Variants in STAU2 observed in about 807,000 individuals in gnomAD.
STAU2 encodes double-stranded RNA-binding protein Staufen homolog 2.
Under a neutral mutation model 65.9 loss-of-function variants are expected in STAU2, and 20 were observed. The ratio of observed to expected loss-of-function variants is 0.30; its 90% CI spans 0.21 to 0.44. The LOEUF is 0.44. Among genes scored for constraint, STAU2 ranks in the 20% least tolerant of loss-of-function variants. STAU2 has a pLI of 1.00. For synonymous variants in STAU2, 232 were observed against 233.9 expected (o/e 0.99, Z 0.07); for missense variants, 558 against 683.9 (o/e 0.82, Z 2.05).
At chr8:73,571,917 T>C (rs1003736124) in intron 12 of STAU2, among the ~76,000 whole-genome samples, 1 of 151,750 alleles carries the variant, frequency 6.6e-6, no homozygotes, top group African/African-American at 2.4e-5. Context: ...CTAAGGGAGA[T>C]AGAGACACAA....
intron 5 of STAU2, among the ~76,000 whole-genome samples, chr8:73,685,536 G>A (rs79939903): frequency 0.2 from 30,665 of 151,688 alleles, 3,471 homozygotes; most frequent in East Asian, 0.37. Context: ...GCCACTGCCC[G>A]GCTAATTATT....
intron 6 of STAU2, among the ~76,000 whole-genome samples, chr8:73,622,586 C>T (rs16938706): frequency 0.25 from 37,644 of 152,060 alleles, 5,705 homozygotes; most frequent in African/African-American, 0.42. Flanking sequence ...CCGTATGGAG[C>T]TTCCTAAAAA....
intron 13 of STAU2, among the ~76,000 whole-genome samples, chr8:73,470,894 GA>G (rs1819959058): frequency 6.6e-6 from 1 of 152,236 alleles, no homozygotes; most frequent in Non-Finnish European, 1.5e-5. Flanking sequence ...TAGTTTCTAG[GA>G]AAAATAACAC....
intron 13 of STAU2, among the ~76,000 whole-genome samples, chr8:73,467,073 C>CCT (rs1210821566): frequency 1.3e-5 from 2 of 152,222 alleles, no homozygotes; most frequent in Non-Finnish European, 2.9e-5. Context: ...TATGCACACA[C>CCT]CTCTTTCAGC....
At chr8:73,436,597 T>TTTATTTATTTAC (rs1817706930) in intron 13 of STAU2, among the ~76,000 whole-genome samples, 1 of 149,708 alleles carries the variant, frequency 6.7e-6, no homozygotes, top group Admixed American at 6.6e-5. Flanking sequence ...TATTTATTTA[T>TTTATTTATTTAC]TTATTTTGAG....
intron 13 of STAU2, among the ~76,000 whole-genome samples, chr8:73,470,658 G>A (rs891037846): frequency 6.6e-6 from 1 of 151,996 alleles, no homozygotes; most frequent in Middle Eastern, 3.4e-3. Flanking sequence ...TTTTAAATTA[G>A]CTGGGTGTGG....
chr8:73,723,883 C>A (rs1042528216), intron 3 of STAU2, among the ~76,000 whole-genome samples: 2 of 152,210 alleles, frequency 1.3e-5, no homozygotes, highest in Admixed American at 1.3e-4. Flanking sequence ...ACATGGTAAT[C>A]TTTAACTGAA....
At chr8:73,689,658 T>A (rs2130531198) in intron 4 of STAU2, among the ~76,000 whole-genome samples, 1 of 152,314 alleles carries the variant, frequency 6.6e-6, no homozygotes, top group East Asian at 1.9e-4. Context: ...TCAAGTTACA[T>A]GATATGCGCA....
chr8:73,433,052 A>G (rs1427905233), intron 13 of STAU2, among the ~76,000 whole-genome samples: 1 of 152,180 alleles, frequency 6.6e-6, no homozygotes, highest in Non-Finnish European at 1.5e-5. Flanking sequence ...CTTGACAACA[A>G]CGCAGAGTGG....
At chr8:73,648,295 G>GT (rs1815547381) in intron 6 of STAU2, among the ~76,000 whole-genome samples, 1 of 152,138 alleles carries the variant, frequency 6.6e-6, no homozygotes, top group African/African-American at 2.4e-5. Context: ...GAGGCTTCGA[G>GT]TGTTTTACTT....
chr8:73,432,483 T>G (rs942338194), intron 13 of STAU2, among the ~76,000 whole-genome samples: 5 of 152,222 alleles, frequency 3.3e-5, no homozygotes, highest in Non-Finnish European at 5.9e-5. Context: ...ATATTAATAT[T>G]TCTAAGTTAT....
Position 73,559,806 on chromosome 8 carries a change from G to A in STAU2, c.1223-7487C>T, listed in dbSNP as rs543572057. Reference sequence around the variant, plus strand: ...CCTCTTCTTTTACACACAGCTCACTGCAAATCTGGTCTTCCAGATAAGGCC... The same window carrying A: ...CCTCTTCTTTTACACACAGCTCACTACAAATCTGGTCTTCCAGATAAGGCC... On this transcript the variant is annotated intron_variant, in intron 12 of 14. Transcript: ENST00000524300. 1.7e-4 allele frequency among the ~76,000 whole-genome samples: 26 copies of A among 152,230 alleles called. No individual in the cohort carries two copies. In the South Asian group the frequency reaches 3.5e-3, roughly 21 times the overall value.
intron 6 of STAU2, among the ~76,000 whole-genome samples, chr8:73,637,477 T>TAAAA (rs60833468): frequency 0.094 from 5,396 of 57,314 alleles, 15 homozygotes; most frequent in Non-Finnish European, 0.1. Flanking sequence ...GTGCTGAAAG[T>TAAAA]AAAAAAAAAA....
chr8:73,592,854 G>A (rs376450259), intron 11 of STAU2, among the ~76,000 whole-genome samples: 11 of 150,952 alleles, frequency 7.3e-5, no homozygotes, highest in Non-Finnish European at 1.3e-4. Context: ...GCTAGACTCC[G>A]TCTCAAAAAA....
rs573556946 is a variant in STAU2 at position 73,546,616 on chromosome 8, G to T, written c.1530+5396C>A. On this transcript the variant is annotated intron_variant, in intron 13 of 14. Transcript: ENST00000524300. Reference sequence around the variant, plus strand: ...CCCTGTTATGTCAGAGCAATTTTTTGAGTATGCAAAAATCTTTTACATGCA... The same window carrying T: ...CCCTGTTATGTCAGAGCAATTTTTTTAGTATGCAAAAATCTTTTACATGCA... Among the ~76,000 whole-genome samples, 9 of 152,128 alleles carry T rather than the reference G, an allele frequency of 5.9e-5. No homozygotes were observed. The South Asian group carries it at 1.9e-3, about 32-fold the overall frequency.
intron 12 of STAU2, among the ~76,000 whole-genome samples, chr8:73,569,266 C>A (rs371652210): frequency 6.6e-6 from 1 of 152,028 alleles, no homozygotes; most frequent in African/African-American, 2.4e-5. Flanking sequence ...GGGGGAGGGC[C>A]GTCCGCCATT....
intron 3 of STAU2, among the ~76,000 whole-genome samples, chr8:73,716,832 G>A (rs529164823): frequency 2.2e-4 from 33 of 152,130 alleles, no homozygotes; most frequent in African/African-American, 7.7e-4. Flanking sequence ...GGCCAGGCGC[G>A]GTGGCTCACG....
intron 13 of STAU2, among the ~76,000 whole-genome samples, chr8:73,518,873 A>G (rs1822886241): frequency 6.6e-6 from 1 of 152,206 alleles, no homozygotes; most frequent in Non-Finnish European, 1.5e-5. Context: ...AAATGTCAGC[A>G]GAAGACATTT....
chr8:73,650,425 A>G lies in STAU2; in HGVS notation c.410+22682T>C, dbSNP rs181852679. 3.3e-3 allele frequency among the ~76,000 whole-genome samples: 502 copies of G among 152,326 alleles called. 1 individual carries two copies. The highest frequency in any genetic ancestry group is 0.011 in the South Asian group (55 of 4,830). On this transcript the variant is annotated intron_variant, in intron 6 of 14. Coordinates refer to ENST00000524300, the MANE Select transcript of STAU2 (RefSeq NM_001164380.2). The stretch of plus-strand genomic sequence containing the variant: ...GTTTTAGTGATATATGTAAAAATGT[A>G]TATGTGTGTGGATGTAGGTATGTAT...
Sources: gnomAD v4.1 joint callset for allele counts (sites outside exome capture counted in the v4.1 genomes callset) on GRCh38, gnomAD v4.1.1 for gene constraint, MANE v1.5 for transcripts, NCBI Gene and HGNC (gene_info 2026-07-23, HGNC 2026-07-21) for gene names.